NKAIN3: variants seen among roughly 807,000 people sequenced by gnomAD.
NKAIN3 encodes the protein sodium/potassium transporting ATPase interacting 3, also known as sodium/potassium-transporting ATPase subunit beta-1-interacting protein 3.
Under a neutral mutation model 30.2 loss-of-function variants are expected in NKAIN3, and 25 were observed. The observed-to-expected ratio is 0.83, with a 90% CI of 0.60 to 1.16. The LOEUF (loss-of-function observed/expected upper bound fraction) is 1.16. Ranked by LOEUF, NKAIN3 falls within the 50% of genes most tolerant of loss-of-function variation. The pLI, the probability that NKAIN3 is intolerant of heterozygous loss-of-function variation, is 0.00. For missense variants in NKAIN3, 225 were observed against 254.1 expected (o/e 0.89, Z 0.78); for synonymous variants, 91 against 89.6 (o/e 1.02, Z -0.09).
intron 4 of NKAIN3, among the ~76,000 whole-genome samples, chr8:62,842,623 A>G (rs902432253): frequency 6.6e-6 from 1 of 152,162 alleles, no homozygotes; most frequent in Admixed American, 6.6e-5. Flanking sequence ...TATAAAAGTG[A>G]TTATAATTAA....
chr8:62,577,030 T>C (rs189881436), intron 1 of NKAIN3, among the ~76,000 whole-genome samples: 19 of 152,234 alleles, frequency 1.2e-4, no homozygotes, highest in South Asian at 1.2e-3. Context: ...AAAAATACAA[T>C]GGTGCTTTGT....
At chr8:62,780,946 GA>G (rs1817336986) in intron 4 of NKAIN3, among the ~76,000 whole-genome samples, 1 of 151,890 alleles carries the variant, frequency 6.6e-6, no homozygotes, top group Non-Finnish European at 1.5e-5. Flanking sequence ...ATAGCAATAA[GA>G]CAAGAGAAAG....
intron 1 of NKAIN3, among the ~76,000 whole-genome samples, chr8:62,370,052 G>A (rs1224563543): frequency 3.3e-5 from 5 of 151,974 alleles, no homozygotes; most frequent in Non-Finnish European, 7.4e-5. Flanking sequence ...TGATGAAGCA[G>A]TTAGTTGAAG....
chr8:62,602,927 G>A (rs535430012), intron 3 of NKAIN3, among the ~76,000 whole-genome samples: 1 of 152,076 alleles, frequency 6.6e-6, no homozygotes, highest in Non-Finnish European at 1.5e-5. Flanking sequence ...ATTCTGAGTA[G>A]ACTCCAACTG....
intron 1 of NKAIN3, among the ~76,000 whole-genome samples, chr8:62,535,571 A>T (rs2129863224): frequency 6.6e-6 from 1 of 152,346 alleles, no homozygotes; most frequent in African/African-American, 2.4e-5. Flanking sequence ...AGTGGCTCAC[A>T]GAACTCAGGG....
At chr8:62,994,010 A>G (rs1221495504) in intron 5 of NKAIN3, among the ~76,000 whole-genome samples, 1 of 152,170 alleles carries the variant, frequency 6.6e-6, no homozygotes, top group Admixed American at 6.6e-5. Flanking sequence ...CTTTAAATGC[A>G]TTAATTACTT....
intron 4 of NKAIN3, among the ~76,000 whole-genome samples, chr8:62,807,323 G>T (rs979375928): frequency 2.0e-5 from 3 of 152,066 alleles, no homozygotes; most frequent in Non-Finnish European, 4.4e-5. Context: ...TCAAGTTGGG[G>T]TGTGTCCTTC....
chr8:62,847,768 G>A (rs1447898050), intron 4 of NKAIN3, among the ~76,000 whole-genome samples: 1 of 143,378 alleles, frequency 7.0e-6, no homozygotes, highest in East Asian at 2.0e-4. Flanking sequence ...CTTATGTCCT[G>A]AATGGCATTG....
At chr8:62,376,721 C>A (rs1488741666) in intron 1 of NKAIN3, among the ~76,000 whole-genome samples, 1 of 152,112 alleles carries the variant, frequency 6.6e-6, no homozygotes, top group Non-Finnish European at 1.5e-5. Context: ...GGGATTATAT[C>A]ATGGGGATTA....
At chr8:62,314,992 T>C (rs890271060) in intron 1 of NKAIN3, among the ~76,000 whole-genome samples, 2 of 152,280 alleles carry the variant, frequency 1.3e-5, no homozygotes, top group East Asian at 1.9e-4. Flanking sequence ...CCAGCTGTGC[T>C]CAGCTTATAG....
chr8:62,519,914 C>T (rs991973255), intron 1 of NKAIN3, among the ~76,000 whole-genome samples: 1 of 152,142 alleles, frequency 6.6e-6, no homozygotes, highest in Non-Finnish European at 1.5e-5. Context: ...CCTTCCTGGA[C>T]CAGCCAGGCC....
At position 62,421,671 on chromosome 8, in the gene NKAIN3, T is replaced by G. The variant is rs553242800; in HGVS notation, c.55-157868T>G. Among the ~76,000 whole-genome samples the G allele has an allele frequency of 6.6e-5, 10 of 152,138 alleles. No homozygotes were observed. The South Asian group carries it at 1.7e-3, about 25-fold the overall frequency. On this transcript the variant is annotated intron_variant, in intron 1 of 6. Coordinates refer to ENST00000623646, the MANE Select transcript of NKAIN3 (RefSeq NM_001304533.3). ...ATATATATATGTACCTTTCTATGGC[T>G]GTGAATGTACTCCCCACAGGAAACC...
intron 4 of NKAIN3, among the ~76,000 whole-genome samples, chr8:62,906,103 A>G (rs1271925585): frequency 1.3e-5 from 2 of 152,182 alleles, no homozygotes; most frequent in Non-Finnish European, 2.9e-5. Context: ...GCGAGCATCC[A>G]TCAAGGCCCA....
At chr8:62,290,344 GT>G (rs1454338718) in intron 1 of NKAIN3, among the ~76,000 whole-genome samples, 6 of 152,152 alleles carry the variant, frequency 3.9e-5, no homozygotes, top group African/African-American at 1.2e-4. Context: ...AATGCTTCCA[GT>G]TTTTGCCCAT....
At chr8:62,895,044 A>G (rs926090788) in intron 4 of NKAIN3, among the ~76,000 whole-genome samples, 3 of 152,230 alleles carry the variant, frequency 2.0e-5, no homozygotes, top group Non-Finnish European at 4.4e-5. Flanking sequence ...GGTTTTAAGT[A>G]GGTTTTAAGC....
chr8:62,504,756 C>G (rs1208343519), intron 1 of NKAIN3, among the ~76,000 whole-genome samples: 1 of 152,152 alleles, frequency 6.6e-6, no homozygotes, highest in African/African-American at 2.4e-5. Flanking sequence ...TAGCACGATG[C>G]TATAATTCCT....
intron 1 of NKAIN3, among the ~76,000 whole-genome samples, chr8:62,339,584 G>T (rs1286288332): frequency 2.6e-5 from 4 of 151,920 alleles, no homozygotes; most frequent in Non-Finnish European, 5.9e-5. Context: ...AAAGGCAAGG[G>T]TTCTATTTAG....
At chr8:62,941,417 T>C (rs1412290963) in intron 5 of NKAIN3, among the ~76,000 whole-genome samples, 1 of 152,038 alleles carries the variant, frequency 6.6e-6, no homozygotes, top group Admixed American at 6.6e-5. Flanking sequence ...ACTATCACCC[T>C]AAGACCAAAA....
At chr8:62,848,746 A>G (rs1229276069) in intron 4 of NKAIN3, among the ~76,000 whole-genome samples, 1 of 152,138 alleles carries the variant, frequency 6.6e-6, no homozygotes, top group Non-Finnish European at 1.5e-5. Context: ...GACTTGAGCC[A>G]GTTTTCAAGG....
Sources: gnomAD v4.1 joint callset for allele counts (sites outside exome capture counted in the v4.1 genomes callset) on GRCh38, gnomAD v4.1.1 for gene constraint, MANE v1.5 for transcripts, NCBI Gene and HGNC (gene_info 2026-07-23, HGNC 2026-07-21) for gene names.